MYT1L: variants seen among roughly 807,000 people sequenced by gnomAD.
The protein encoded by MYT1L is myelin transcription factor 1 like.
Under a neutral mutation model 126.7 loss-of-function variants are expected in MYT1L, and 12 were observed. The ratio of observed to expected loss-of-function variants is 0.09; its 90% CI spans 0.06 to 0.15. MYT1L has a LOEUF of 0.15. Ranked by LOEUF, MYT1L falls within the 10% of genes least tolerant of loss-of-function variation. The pLI is 1.00. For synonymous variants in MYT1L, 541 were observed against 604.2 expected, an observed-to-expected ratio of 0.90 and a Z score of 1.53; for missense variants, 979 against 1,585.2, an observed-to-expected ratio of 0.62 and a Z score of 6.49.
chr2:1,940,816 C>T (rs2056560128), intron 9 of MYT1L, among the ~76,000 whole-genome samples: 1 of 152,244 alleles, frequency 6.6e-6, no homozygotes, highest in Non-Finnish European at 1.5e-5. Context: ...TCAGCACCTC[C>T]TGTCTTCCGT....
In MYT1L at chr2:2,133,484, T is replaced by G. The variant is rs143959062; in HGVS notation, c.-304+39388A>C. Among the ~76,000 whole-genome samples the G allele has an allele frequency of 1.0e-3, 152 of 152,334 alleles. 1 individual carries two copies. The highest frequency in any genetic ancestry group is 3.4e-3 in the Middle Eastern group (1 of 294). On this transcript the variant is annotated intron_variant, in intron 3 of 24. Coordinates refer to ENST00000647738, the MANE Select transcript of MYT1L (RefSeq NM_001303052.2). ...TTGTGGAGATTAATCCCACAGCAGT[T>G]AATTTCCTCATACTCACCCAGTGTA...
chr2:1,926,491 A>G (rs1413200645), intron 9 of MYT1L, among the ~76,000 whole-genome samples: 1 of 152,178 alleles, frequency 6.6e-6, no homozygotes, highest in Non-Finnish European at 1.5e-5. Flanking sequence ...TGGGGTTGAA[A>G]ATGTGATACA....
At chr2:2,058,049 G>C (rs1007619106) in intron 3 of MYT1L, among the ~76,000 whole-genome samples, 1 of 152,118 alleles carries the variant, frequency 6.6e-6, no homozygotes, top group African/African-American at 2.4e-5. Flanking sequence ...ATTTCACTTT[G>C]CCTCGATCAA....
At chr2:2,067,034 T>A (rs1367928141) in intron 3 of MYT1L, among the ~76,000 whole-genome samples, 1 of 152,208 alleles carries the variant, frequency 6.6e-6, no homozygotes, top group Non-Finnish European at 1.5e-5. Flanking sequence ...TCTTCTCCAA[T>A]AGATAATGTG....
At chr2:2,102,160 G>T (rs1305718448) in intron 3 of MYT1L, among the ~76,000 whole-genome samples, 1 of 152,078 alleles carries the variant, frequency 6.6e-6, no homozygotes, top group African/African-American at 2.4e-5. Flanking sequence ...TAGGCTTCTT[G>T]TGGCCTTCTG....
intron 3 of MYT1L, among the ~76,000 whole-genome samples, chr2:2,128,140 A>T (rs2081945355): frequency 6.6e-6 from 1 of 152,072 alleles, no homozygotes; most frequent in Non-Finnish European, 1.5e-5. Context: ...TCGCTTCTAA[A>T]CCTTGAACTT....
intron 8 of MYT1L, among the ~76,000 whole-genome samples, chr2:1,970,761 G>A (rs2059754737): frequency 6.6e-6 from 1 of 152,188 alleles, no homozygotes. Context: ...GAACTGTGGT[G>A]TTTCAGTGGG....
intron 23 of MYT1L, among the ~76,000 whole-genome samples, chr2:1,799,707 T>C (rs2034474518): frequency 1.3e-5 from 2 of 152,230 alleles, no homozygotes; most frequent in African/African-American, 4.8e-5. Flanking sequence ...GTCACCCTCA[T>C]AAACAGAATA....
At chr2:1,892,916 C>A (rs75394704) in intron 14 of MYT1L, among the ~76,000 whole-genome samples, 1 of 151,982 alleles carries the variant, frequency 6.6e-6, no homozygotes, top group Non-Finnish European at 1.5e-5. Context: ...CCTTTTTTTT[C>A]TAGAATTCTG....
At position 2,139,561 on chromosome 2, in the gene MYT1L, C is replaced by G. The variant is rs541319370; in HGVS notation, c.-304+33311G>C. ...GGCTGAGGCAGGAGAATCACTTGAA[C>G]TCGGGAGGCGAAGGTTGCAGTAAGC... On this transcript the variant is annotated intron_variant, in intron 3 of 24. Transcript: ENST00000647738. 2.0e-5 allele frequency among the ~76,000 whole-genome samples: 3 copies of G among 152,164 alleles called. No individual in the cohort carries two copies. The South Asian group carries it at 6.2e-4, about 32-fold the overall frequency.
intron 1 of MYT1L, among the ~76,000 whole-genome samples, chr2:2,310,706 T>C (rs2149599385): frequency 6.6e-6 from 1 of 152,322 alleles, no homozygotes; most frequent in East Asian, 1.9e-4. Context: ...ACCTAACTTA[T>C]ATTTACCACT....
chr2:2,180,253 T>G (rs1315676862), intron 2 of MYT1L, among the ~76,000 whole-genome samples: 1 of 151,886 alleles, frequency 6.6e-6, no homozygotes. Context: ...TCCTTGAGAG[T>G]ACAGAAGATG....
At chr2:1,950,924 T>G (rs996807693) in intron 8 of MYT1L, among the ~76,000 whole-genome samples, 2 of 152,122 alleles carry the variant, frequency 1.3e-5, no homozygotes, top group Admixed American at 6.5e-5. Context: ...AGGTCATAGG[T>G]TGGCCTGGGA....
intron 8 of MYT1L, among the ~76,000 whole-genome samples, chr2:1,959,437 G>A (rs2058778118): frequency 6.6e-6 from 1 of 152,220 alleles, no homozygotes; most frequent in Admixed American, 6.5e-5. Flanking sequence ...AGGGGTCACA[G>A]TCCAGCATCT....
intron 1 of MYT1L, among the ~76,000 whole-genome samples, chr2:2,288,346 T>C (rs2095552605): frequency 6.6e-6 from 1 of 152,160 alleles, no homozygotes; most frequent in Non-Finnish European, 1.5e-5. Context: ...CTCAATGCAA[T>C]TAAAAGGAAC....
chr2:2,234,083 A>G (rs934822332), intron 2 of MYT1L, among the ~76,000 whole-genome samples: 2 of 152,232 alleles, frequency 1.3e-5, no homozygotes, highest in African/African-American at 4.8e-5. Flanking sequence ...ATGGCAACTC[A>G]CATTTATCAG....
chr2:2,181,326 A>C (rs2091498641), intron 2 of MYT1L, among the ~76,000 whole-genome samples: 1 of 152,114 alleles, frequency 6.6e-6, no homozygotes, highest in African/African-American at 2.4e-5. Flanking sequence ...AGTGAGACTG[A>C]AAACATGAGA....
chr2:2,033,625 T>A (rs1034116790), intron 4 of MYT1L, among the ~76,000 whole-genome samples: 2 of 151,996 alleles, frequency 1.3e-5, no homozygotes, highest in Admixed American at 1.3e-4. Flanking sequence ...AAAAAAAAAA[T>A]CTGGGTTTCA....
chr2:2,137,869 C>T (rs926560521), intron 3 of MYT1L, among the ~76,000 whole-genome samples: 4 of 152,084 alleles, frequency 2.6e-5, no homozygotes, highest in Admixed American at 6.5e-5. Context: ...AGCTTCTGCA[C>T]AGCAAAAGAA....
Sources: allele counts gnomAD v4.1 joint callset (sites outside exome capture counted in the v4.1 genomes callset), GRCh38; gene constraint gnomAD v4.1.1; transcripts MANE v1.5; gene names NCBI Gene and HGNC (gene_info 2026-07-23, HGNC 2026-07-21).